HAUS8: variants seen among roughly 807,000 people sequenced by gnomAD.
The protein encoded by HAUS8 is HAUS augmin like complex subunit 8, also known as HAUS augmin-like complex subunit 8.
In HAUS8, 38 loss-of-function variants were observed where a neutral mutation model predicts 42.9. That is an observed-to-expected ratio of 0.89 (90% CI 0.68 to 1.16). The LOEUF (loss-of-function observed/expected upper bound fraction) is 1.16. HAUS8 is among the 50% of genes most tolerant of loss of function. HAUS8 has a pLI of 0.00. For missense variants in HAUS8, 494 were observed against 511.6 expected (o/e 0.97, Z 0.33); for synonymous variants, 199 against 205.8 (o/e 0.97, Z 0.28).
rs576940902 is a variant in HAUS8, at chr19:17,061,424, A to C, written c.229+1274T>G. Among the ~76,000 whole-genome samples the C allele has an allele frequency of 2.0e-5, 3 of 152,336 alleles. No individual in the cohort carries two copies. The East Asian group carries it at 5.8e-4, about 29-fold the overall frequency. On this transcript the variant is annotated intron_variant, in intron 4 of 10. Transcript: ENST00000253669. ...AGTGCCGGGATTACAGGCGTGAGCC[A>C]CCACACCCAGCTAGAGGTGGTAACT...
chr19:17,059,976 G>A, intron 5 of HAUS8, 21 bp downstream of exon 5: 1 of 1,552,654 alleles, frequency 6.4e-7, no homozygotes, highest in Non-Finnish European at 8.9e-7. Flanking sequence ...AGTGACAGAA[G>A]GGGTGAAACA....
intron 10 of HAUS8, among the ~76,000 whole-genome samples, chr19:17,051,444 G>T (rs1000804311): frequency 6.6e-6 from 1 of 152,066 alleles, no homozygotes; most frequent in Non-Finnish European, 1.5e-5. Flanking sequence ...GACGCACAAG[G>T]ATATGTGCTC....
chr19:17,059,387 T>C (rs1568637076), intron 6 of HAUS8, among the ~76,000 whole-genome samples, 170 bp downstream of exon 6: 1 of 152,244 alleles, frequency 6.6e-6, no homozygotes, highest in Non-Finnish European at 1.5e-5. Context: ...TGGGGAAATG[T>C]AAACTCTACA....
chr19:17,055,146 ATATATATATATATATATATATATAT>A (rs2057316161), intron 9 of HAUS8: 6 of 3,996 alleles, frequency 1.5e-3, no homozygotes, highest in African/African-American at 5.3e-3. Flanking sequence ...AAAAAAAAAT[ATATATATATATATATATATATATAT>A]ATATATATAT....
At chr19:17,055,456 GC>G (rs112676332) in intron 9 of HAUS8, among the ~76,000 whole-genome samples, 4,845 of 151,268 alleles carry the variant, frequency 0.032, 164 homozygotes, top group African/African-American at 0.082. Context: ...TTTCACACTT[GC>G]CAAAGTCTTC....
chr19:17,074,998 T>C lies in HAUS8; in HGVS notation c.29+396A>G, dbSNP rs2057459011. 1.7e-5 allele frequency: 4 copies of C among 232,324 alleles called. No individual in the cohort carries two copies. The South Asian group carries it at 2.9e-4, about 17-fold the overall frequency. The allele number at this position is 232,324 out of a possible 1,614,324, so 14.4% of individuals were successfully genotyped here. On this transcript the variant is annotated intron_variant, in intron 1 of 10. Transcript: ENST00000253669. ...AGGGGACACTTTGGTCGCCCAACACTTGTTCACTGCATAACGATAATTCCA... is the reference window on the plus strand; with the variant it reads ...AGGGGACACTTTGGTCGCCCAACACCTGTTCACTGCATAACGATAATTCCA...
At chr19:17,074,801 A>C (rs900129983) in intron 1 of HAUS8, 6 of 152,392 alleles carry the variant, frequency 3.9e-5, no homozygotes, top group Admixed American at 2.0e-4. Flanking sequence ...TGGCAGAATT[A>C]ACAAAACTAG....
At chr19:17,070,792 A>G (rs190314560) in intron 2 of HAUS8, among the ~76,000 whole-genome samples, 157 of 152,332 alleles carry the variant, frequency 1.0e-3, no homozygotes, top group Non-Finnish European at 1.9e-3. Flanking sequence ...ATTCTAGGCC[A>G]GGCGTAGTGG....
In HAUS8 at chr19:17,052,676, A is replaced by G. The variant is rs113400361; in HGVS notation, c.929+149T>C. The G allele has an allele frequency of 1.1e-3, 847 of 771,346 alleles. 3 individuals carry two copies. In the African/African-American group the frequency reaches 0.013, roughly 12 times the overall value. 47.8% of individuals were successfully genotyped at this position (771,346 alleles called of 1,614,324 possible). ...GACACCTGCTGGCCATTCTTGTATC[A>G]TGCAGCGTCTGGGAAAAGAGCAGCT... On this transcript the variant is annotated intron_variant, in intron 10 of 10. Transcript: ENST00000253669.
rs747962939 is a variant in HAUS8, at chr19:17,059,988, A to G, written c.325+9T>C. The stretch of plus-strand genomic sequence containing the variant: ...GTGAGTGACAGAAGGGGTGAAACAA[A>G]TGATTTACCATTAATAGCAGAGAGA... On this transcript the variant is annotated intron_variant, in intron 5 of 10. Transcript: ENST00000253669. The G allele has an allele frequency of 6.3e-7, 1 of 1,598,506 alleles. No homozygotes were observed. Among genetic ancestry groups the G allele is most frequent in the Non-Finnish European group, 8.6e-7 (1 of 1,165,966 alleles).
intron 10 of HAUS8, among the ~76,000 whole-genome samples, chr19:17,051,146 G>A (rs1490227321): frequency 6.6e-6 from 1 of 152,116 alleles, no homozygotes; most frequent in Non-Finnish European, 1.5e-5. Flanking sequence ...TGCCGTTCAT[G>A]GATGAATGAG....
intron 10 of HAUS8, among the ~76,000 whole-genome samples, chr19:17,051,374 T>C (rs2057286192): frequency 9.1e-6 from 1 of 110,262 alleles, no homozygotes; most frequent in African/African-American, 3.9e-5. Flanking sequence ...TGGTTAGAAA[T>C]CTCCTGGGGG....
At chr19:17,053,305 T>C in intron 9 of HAUS8, 1 of 305,156 alleles carries the variant, frequency 3.3e-6, no homozygotes, top group Non-Finnish European at 6.3e-6. Flanking sequence ...CATGAGCAAC[T>C]GAAAAACAGT....
intron 4 of HAUS8, 42 bp from the exon 5 acceptor site, chr19:17,060,134 A>G (rs774605515): frequency 1.5e-6 from 2 of 1,373,776 alleles, no homozygotes; most frequent in Non-Finnish European, 2.1e-6. Flanking sequence ...CAGTCAAGAG[A>G]CACTCTCCAT....
intron 9 of HAUS8, among the ~76,000 whole-genome samples, chr19:17,053,910 G>A (rs894327514): frequency 1.3e-5 from 2 of 152,018 alleles, no homozygotes; most frequent in African/African-American, 4.8e-5. Context: ...TGATCCACCC[G>A]CCTCAGCCTC....
At chr19:17,056,124 C>T in intron 8 of HAUS8, 122 bp from the exon 9 acceptor site, 1 of 961,900 alleles carries the variant, frequency 1.0e-6, no homozygotes, top group Non-Finnish European at 1.6e-6. Context: ...CCCAGGGAAT[C>T]AGAGCTCAGG....
chr19:17,055,615 T>C (rs940669339), intron 9 of HAUS8, among the ~76,000 whole-genome samples: 1 of 151,964 alleles, frequency 6.6e-6, no homozygotes, highest in African/African-American at 2.4e-5. Flanking sequence ...CTACAGGTCG[T>C]CCCCGCAAAA....
intron 8 of HAUS8, among the ~76,000 whole-genome samples, chr19:17,057,478 T>G (rs959216830): frequency 1.3e-5 from 2 of 152,226 alleles, no homozygotes; most frequent in African/African-American, 4.8e-5. Context: ...GCTATAAGGT[T>G]CATCTATGAG....
chr19:17,072,837 C>T (rs564647188), intron 2 of HAUS8, among the ~76,000 whole-genome samples: 78 of 148,718 alleles, frequency 5.2e-4, no homozygotes, highest in African/African-American at 1.7e-3. Context: ...GATTTTAGGC[C>T]GGGGGCAGTG....
Sources: gnomAD v4.1 joint callset for allele counts (sites outside exome capture counted in the v4.1 genomes callset) on GRCh38, gnomAD v4.1.1 for gene constraint, MANE v1.5 for transcripts, NCBI Gene and HGNC (gene_info 2026-07-23, HGNC 2026-07-21) for gene names.